GPHN: variants seen among roughly 807,000 people sequenced by gnomAD.
GPHN encodes the protein gephyrin.
A neutral mutation model predicts 95.5 loss-of-function variants in GPHN; 17 were observed. That is an observed-to-expected ratio of 0.18 (90% CI 0.12 to 0.27). The LOEUF (loss-of-function observed/expected upper bound fraction) is 0.27. Among genes scored for constraint, GPHN ranks in the 10% least tolerant of loss-of-function variants. The pLI is 1.00. For missense variants in GPHN, 660 were observed against 978.1 expected, an observed-to-expected ratio of 0.67 and a Z score of 4.34; for synonymous variants, 320 against 322.5, an observed-to-expected ratio of 0.99 and a Z score of 0.08.
At chr14:67,153,389 G>A (rs576337203) in intron 18 of GPHN, among the ~76,000 whole-genome samples, 2 of 152,280 alleles carry the variant, frequency 1.3e-5, no homozygotes, top group South Asian at 4.2e-4. Flanking sequence ...TTCTGGTGAG[G>A]GCCCTCTTCC....
the GPHN span, among the ~76,000 whole-genome samples, chr14:67,391,287 G>T: frequency 6.6e-6 from 1 of 151,174 alleles, no homozygotes; most frequent in Non-Finnish European, 1.5e-5. Context: ...GTGTGTGTGT[G>T]TGTGTGTGTG....
intron 5 of GPHN, among the ~76,000 whole-genome samples, chr14:66,898,466 TAAAA>T (rs59434196): frequency 6.5e-5 from 6 of 91,766 alleles, no homozygotes; most frequent in Non-Finnish European, 1.2e-4. Context: ...GCTACTTGTT[TAAAA>T]AAAAAAAAAA....
At chr14:66,534,702 A>G (rs2059072200) in intron 1 of GPHN, among the ~76,000 whole-genome samples, 1 of 152,106 alleles carries the variant, frequency 6.6e-6, no homozygotes. Context: ...ATTTTTGTCA[A>G]TATTGTGTAT....
the GPHN span, among the ~76,000 whole-genome samples, chr14:67,437,301 A>ATG: frequency 2.0e-5 from 3 of 152,162 alleles, no homozygotes; most frequent in Admixed American, 6.5e-5. Context: ...TCACAAAATG[A>ATG]TGTGAAATTG....
At chr14:67,286,853 C>G in the GPHN span, among the ~76,000 whole-genome samples, 1 of 107,640 alleles carries the variant, frequency 9.3e-6, no homozygotes, top group Non-Finnish European at 1.7e-5. Flanking sequence ...GAGACCTGGT[C>G]TCAAAAAAAA....
chr14:67,617,603 A>T, the GPHN span, among the ~76,000 whole-genome samples: 1 of 152,238 alleles, frequency 6.6e-6, no homozygotes, highest in Non-Finnish European at 1.5e-5. Flanking sequence ...TTTATCTCTG[A>T]CTAAACTATA....
intron 9 of GPHN, among the ~76,000 whole-genome samples, chr14:67,003,348 C>T (rs760723388): frequency 1.3e-5 from 2 of 151,676 alleles, no homozygotes; most frequent in Non-Finnish European, 3.0e-5. Flanking sequence ...GCTGATATTA[C>T]ACTATTAGTA....
chr14:67,438,423 G>C, the GPHN span, among the ~76,000 whole-genome samples: 5 of 152,200 alleles, frequency 3.3e-5, no homozygotes, highest in Admixed American at 3.3e-4. Context: ...TGGGGTTAGA[G>C]GTAGGAGCTT....
chr14:67,599,403 C>T, the GPHN span, among the ~76,000 whole-genome samples: 1 of 152,094 alleles, frequency 6.6e-6, no homozygotes, highest in South Asian at 2.1e-4. Context: ...AGGAATGAAT[C>T]TGGAAATTGA....
In GPHN at chr14:66,706,479, G is replaced by A. The variant is rs577276831; in HGVS notation, c.143+25294G>A. Among the ~76,000 whole-genome samples the A allele has an allele frequency of 1.5e-4, 23 of 152,012 alleles. No homozygotes were observed. In the South Asian group the frequency reaches 4.6e-3, roughly 30 times the overall value. On this transcript the variant is annotated intron_variant, in intron 2 of 22. Coordinates refer to ENST00000478722, the MANE Select transcript of GPHN (RefSeq NM_020806.5). ...CCAAAACAGGCATATAGGCCAATGG[G>A]ATAGAACAGAGACCTCAGAAATAAC...
chr14:66,593,726 C>T (rs2061857455), intron 1 of GPHN, among the ~76,000 whole-genome samples: 1 of 152,108 alleles, frequency 6.6e-6, no homozygotes, highest in African/African-American at 2.4e-5. Flanking sequence ...TTATGCTCAG[C>T]ACTGAAAAGT....
the GPHN span, among the ~76,000 whole-genome samples, chr14:67,437,327 A>C: frequency 1.1e-4 from 17 of 152,234 alleles, no homozygotes; most frequent in Non-Finnish European, 2.2e-4. Flanking sequence ...AGTACGCAGA[A>C]GGAAATACAC....
chr14:67,212,468 G>A, the GPHN span, among the ~76,000 whole-genome samples: 2 of 151,238 alleles, frequency 1.3e-5, no homozygotes, highest in Non-Finnish European at 2.9e-5. Context: ...GCATGTGCCT[G>A]TAGTCCCAGT....
chr14:66,805,029 G>T (rs1169647472), intron 3 of GPHN, among the ~76,000 whole-genome samples: 3 of 152,186 alleles, frequency 2.0e-5, no homozygotes, highest in Non-Finnish European at 4.4e-5. Flanking sequence ...GTATTAGTCT[G>T]TTTCACGCTG....
chr14:66,612,066 T>A (rs913306552), intron 1 of GPHN, among the ~76,000 whole-genome samples: 6 of 152,028 alleles, frequency 3.9e-5, no homozygotes, highest in African/African-American at 7.2e-5. Flanking sequence ...GTTCTCTAAA[T>A]AGCCCAACAC....
intron 2 of GPHN, among the ~76,000 whole-genome samples, chr14:66,758,559 G>T (rs1312755951): frequency 1.3e-5 from 2 of 152,200 alleles, no homozygotes; most frequent in Non-Finnish European, 2.9e-5. Flanking sequence ...GAGAAACTGG[G>T]TTATTAGAAG....
intron 1 of GPHN, among the ~76,000 whole-genome samples, chr14:66,558,819 G>A (rs1165063680): frequency 3.3e-5 from 5 of 151,740 alleles, no homozygotes; most frequent in Admixed American, 2.0e-4. Flanking sequence ...CATGTGCCAT[G>A]CTGGTGTGCT....
chr14:67,145,800 T>C (rs992198734), intron 18 of GPHN, among the ~76,000 whole-genome samples: 2 of 152,236 alleles, frequency 1.3e-5, no homozygotes, highest in African/African-American at 4.8e-5. Context: ...AGAAGTATTA[T>C]GTAGCAGGCA....
At chr14:67,631,365 A>G in the GPHN span, among the ~76,000 whole-genome samples, 2 of 151,316 alleles carry the variant, frequency 1.3e-5, no homozygotes, top group African/African-American at 2.4e-5. Context: ...ATCTTTCTTT[A>G]TTGAAACCAA....
Sources: gnomAD v4.1 joint callset for allele counts (sites outside exome capture counted in the v4.1 genomes callset) on GRCh38, gnomAD v4.1.1 for gene constraint, MANE v1.5 for transcripts, NCBI Gene and HGNC (gene_info 2026-07-23, HGNC 2026-07-21) for gene names.